RAB40B: variants seen among roughly 807,000 people sequenced by gnomAD.
The protein encoded by RAB40B is ras-related protein Rab-40B.
In RAB40B, 21 loss-of-function variants were observed where a neutral mutation model predicts 24.0. The ratio of observed to expected loss-of-function variants is 0.88; its 90% confidence interval spans 0.62 to 1.26. RAB40B has a LOEUF of 1.26. Ranked by LOEUF, RAB40B falls within the 50% of genes most tolerant of loss-of-function variation. The pLI is 0.00. For missense variants in RAB40B, 348 were observed against 390.5 expected (o/e 0.89, Z 0.92); for synonymous variants, 167 against 169.8 (o/e 0.98, Z 0.13).
At chr17:82,662,665 C>A in intron 2 of RAB40B, 1 of 985,326 alleles carries the variant, frequency 1.0e-6, no homozygotes, top group Non-Finnish European at 1.2e-6. Flanking sequence ...GGCACCGGCA[C>A]CACAGGAGAG....
At chr17:82,659,140 G>A (rs12952494) in intron 4 of RAB40B, 65,577 of 236,264 alleles carry the variant, frequency 0.28, 10,134 homozygotes, top group Middle Eastern at 0.45. Flanking sequence ...TGTTCAGGAC[G>A]CCCAGGTTGT....
intron 3 of RAB40B, chr17:82,659,888 C>T (rs1240337083): frequency 1.4e-5 from 7 of 515,992 alleles, no homozygotes; most frequent in South Asian, 6.1e-5. Context: ...AACTCACACC[C>T]ACGAGCCACT....
intron 3 of RAB40B, among the ~76,000 whole-genome samples, chr17:82,660,685 T>G (rs1466079228): frequency 1.9e-5 from 1 of 52,098 alleles, no homozygotes; most frequent in African/African-American, 6.5e-5. Context: ...TGCACACACA[T>G]GTACACACAC....
Position 82,656,636 on chromosome 17 carries a change from C to T in RAB40B, c.*1227G>A, listed in dbSNP as rs538491358. The T allele has an allele frequency of 9.2e-5, 14 of 152,374 alleles. No individual in the cohort carries two copies. The highest frequency in any genetic ancestry group is 8.5e-4 in the Admixed American group (13 of 15,306). 9.4% of individuals were successfully genotyped at this position (152,374 alleles called of 1,614,324 possible). ...AGGCGACAACAGTTCAAGGATTCAG[C>T]CTTGTTGCCAGTGTCGTGTATTAGC... On this transcript the variant is annotated 3_prime_UTR_variant, in exon 6 of 6. Transcript: ENST00000571995.
chr17:82,666,941 G>A (rs1158762284), intron 1 of RAB40B, among the ~76,000 whole-genome samples: 1 of 152,210 alleles, frequency 6.6e-6, no homozygotes, highest in Admixed American at 6.5e-5. Context: ...GCTTTGACAA[G>A]TATGGCTGAA....
intron 1 of RAB40B, among the ~76,000 whole-genome samples, chr17:82,678,952 G>A (rs960489365): frequency 2.3e-5 from 3 of 131,622 alleles, no homozygotes; most frequent in Admixed American, 1.9e-4. Flanking sequence ...GCGCCATCTC[G>A]GCTCACTGCA....
At chr17:82,687,029 G>A (rs1033355207) in intron 1 of RAB40B, among the ~76,000 whole-genome samples, 2 of 152,184 alleles carry the variant, frequency 1.3e-5, no homozygotes, top group Non-Finnish European at 2.9e-5. Flanking sequence ...GTGCTGGGGG[G>A]AAGGGTGCTC....
intron 1 of RAB40B, among the ~76,000 whole-genome samples, chr17:82,685,216 T>TGGGGAG (rs2046485837): frequency 1.9e-5 from 1 of 53,852 alleles, no homozygotes; most frequent in African/African-American, 7.4e-5. Context: ...AGGAAAGGAA[T>TGGGGAG]GGGGAGGGGG....
In RAB40B at chr17:82,657,911, G is replaced by C. The variant is rs147219869; in HGVS notation, c.789C>G (p.Pro263=). The C allele has an allele frequency of 6.3e-5, 102 of 1,612,908 alleles. No individual in the cohort carries two copies. Among genetic ancestry groups the C allele is most frequent in the Middle Eastern group, 1.7e-4 (1 of 6,036 alleles). The change falls in exon 6 of 6, where the codon CCC becomes CCG. Residue 263 remains proline, a synonymous_variant. Coordinates refer to ENST00000571995, the MANE Select transcript of RAB40B (RefSeq NM_006822.3). ...SLRKVKLVRP[P]QSPPKNCTRN... ...TGGTGCAGTTTTTGGGGGGGCTCTGGGGGGGGCGGACGAGCTTCACTTTGC... is the reference window on the plus strand; with the variant it reads ...TGGTGCAGTTTTTGGGGGGGCTCTGCGGGGGGCGGACGAGCTTCACTTTGC...
intron 1 of RAB40B, among the ~76,000 whole-genome samples, chr17:82,665,594 C>T (rs1036885069): frequency 5.3e-5 from 8 of 151,844 alleles, no homozygotes; most frequent in Non-Finnish European, 1.0e-4. Flanking sequence ...GGGCTGGATG[C>T]GGTGGCTGAC....
intron 2 of RAB40B, chr17:82,662,754 A>G: frequency 1.0e-6 from 1 of 985,270 alleles, no homozygotes; most frequent in African/African-American, 1.7e-5. Context: ...CTGAGGTGAG[A>G]GGGAGAAAAG....
At chr17:82,668,532 C>G (rs1054252235) in intron 1 of RAB40B, among the ~76,000 whole-genome samples, 2 of 152,278 alleles carry the variant, frequency 1.3e-5, no homozygotes, top group Non-Finnish European at 2.9e-5. Context: ...CCATGTTCAA[C>G]AGCGCCCAGT....
intron 1 of RAB40B, among the ~76,000 whole-genome samples, chr17:82,670,255 G>C (rs868269905): frequency 1.5e-5 from 2 of 137,804 alleles, no homozygotes; most frequent in East Asian, 2.2e-4. Context: ...ACGTGATCTC[G>C]CTCACTGCAA....
chr17:82,668,234 TC>T (rs1326160133), intron 1 of RAB40B: 1 of 154,536 alleles, frequency 6.5e-6, no homozygotes, highest in East Asian at 1.9e-4. Flanking sequence ...TTTGTGGTCT[TC>T]AGGGTGGGGA....
intron 3 of RAB40B, among the ~76,000 whole-genome samples, chr17:82,660,093 C>T (rs1283408460): frequency 1.3e-5 from 2 of 151,754 alleles, no homozygotes; most frequent in African/African-American, 2.4e-5. Flanking sequence ...CGCAGGCACT[C>T]ATGCACAGAC....
At chr17:82,665,261 T>C (rs939012554) in intron 1 of RAB40B, among the ~76,000 whole-genome samples, 2 of 149,824 alleles carry the variant, frequency 1.3e-5, no homozygotes, top group Non-Finnish European at 3.0e-5. Context: ...TCTTCTTCTT[T>C]TTTTTTTTTG....
At chr17:82,691,657 G>A (rs934708600) in intron 1 of RAB40B, among the ~76,000 whole-genome samples, 1 of 152,160 alleles carries the variant, frequency 6.6e-6, no homozygotes, top group African/African-American at 2.4e-5. Flanking sequence ...ACTCCAGCCT[G>A]GGCGACAGAG....
At chr17:82,686,268 C>T (rs574452134) in intron 1 of RAB40B, among the ~76,000 whole-genome samples, 3 of 152,018 alleles carry the variant, frequency 2.0e-5, no homozygotes, top group Non-Finnish European at 4.4e-5. Context: ...CCTGCCACCA[C>T]GCCCAGCTAA....
chr17:82,684,685 G>A (rs7224369), intron 1 of RAB40B, among the ~76,000 whole-genome samples: 4 of 152,170 alleles, frequency 2.6e-5, no homozygotes, highest in Admixed American at 2.0e-4. Context: ...AAAGGCCTCC[G>A]GGATGCAGGC....
Sources: gnomAD v4.1 joint callset for allele counts (sites outside exome capture counted in the v4.1 genomes callset) on GRCh38, gnomAD v4.1.1 for gene constraint, MANE v1.5 for transcripts, NCBI Gene and HGNC (gene_info 2026-07-23, HGNC 2026-07-21) for gene names.